Variants in MYH15 observed in about 807,000 individuals in gnomAD.
MYH15 encodes myosin-15.
A neutral mutation model predicts 240.5 loss-of-function variants in MYH15; 227 were observed. The observed-to-expected ratio is 0.94, with a 90% confidence interval of 0.85 to 1.05. The LOEUF is 1.05. Among genes scored for constraint, MYH15 ranks in the 50% least tolerant of loss-of-function variants. The pLI is 0.00. For missense variants in MYH15, 2,217 were observed against 2,247.5 expected (o/e 0.99, Z 0.27); for synonymous variants, 785 against 796.7 (o/e 0.99, Z 0.25).
chr3:108,426,857 C>T (rs1207447421), intron 27 of MYH15, among the ~76,000 whole-genome samples: 2 of 152,198 alleles, frequency 1.3e-5, no homozygotes, highest in African/African-American at 4.8e-5. Flanking sequence ...CCAAACTCCA[C>T]CCCAGTATGT....
chr3:108,406,320 G>A (rs1458449014), intron 32 of MYH15, among the ~76,000 whole-genome samples: 5 of 152,164 alleles, frequency 3.3e-5, no homozygotes, highest in Admixed American at 6.6e-5. Context: ...CTTTTGAGGC[G>A]TGCTTAGCAG....
intron 9 of MYH15, among the ~76,000 whole-genome samples, chr3:108,489,745 C>T (rs1346524148): frequency 2.6e-5 from 4 of 152,132 alleles, no homozygotes; most frequent in Non-Finnish European, 5.9e-5. Context: ...AAGATATGCC[C>T]TCTTGTATTA....
chr3:108,437,693 C>A lies in MYH15; in HGVS notation c.3082G>T (p.Gly1028Cys). 1 of 1,610,562 alleles carries A rather than the reference C, an allele frequency of 6.2e-7. No individual in the cohort carries two copies. Among genetic ancestry groups the A allele is most frequent in the Non-Finnish European group, 8.5e-7 (1 of 1,179,064 alleles). The stretch of plus-strand genomic sequence containing the variant: ...GCTTTTCTCTCCTGCTCAAGGGCAC[C>A]CTCAAGCTGACAAAAGGAAACATTA... ...KLEQQVDELE[G>C]ALEQERKARM... The change falls in exon 25 of 41, where the codon GGT (glycine) becomes TGT (cysteine). Residue 1028 changes from glycine to cysteine, a missense_variant. Coordinates refer to ENST00000693548, the MANE Select transcript of MYH15 (RefSeq NM_014981.3).
chr3:108,412,140 G>T (rs1360395935), intron 30 of MYH15, among the ~76,000 whole-genome samples: 1 of 152,194 alleles, frequency 6.6e-6, no homozygotes, highest in African/African-American at 2.4e-5. Flanking sequence ...GTTTCACCAG[G>T]TGATATGGTT....
At chr3:108,495,297 A>G (rs991178814) in intron 7 of MYH15, among the ~76,000 whole-genome samples, 1 of 152,198 alleles carries the variant, frequency 6.6e-6, no homozygotes, top group African/African-American at 2.4e-5. Flanking sequence ...CTTTCTCCCC[A>G]GCCCGCCAAA....
chr3:108,413,145 A>G (rs1576217769), intron 30 of MYH15, among the ~76,000 whole-genome samples: 2 of 152,328 alleles, frequency 1.3e-5, no homozygotes, highest in South Asian at 4.1e-4. Context: ...TTCTTCAATC[A>G]TTAGAAGGGG....
chr3:108,388,957 T>C lies in MYH15; in HGVS notation c.5535+13A>G. 6.2e-7 allele frequency: 1 copy of C among 1,611,566 alleles called. No individual in the cohort carries two copies. Among genetic ancestry groups the C allele is most frequent in the South Asian group, 1.1e-5 (1 of 90,708 alleles). On this transcript the variant is annotated intron_variant, in intron 38 of 40. Transcript: ENST00000693548. ...GCCCAGCCAGACAAACAGGGAATGGTTTCCTGGAGTACCTGATAGGTCAGC... is the reference window on the plus strand; with the variant it reads ...GCCCAGCCAGACAAACAGGGAATGGCTTCCTGGAGTACCTGATAGGTCAGC...
rs1195558394 is a variant in MYH15, at chr3:108,485,121, C to T, written c.1084G>A (p.Glu362Lys). Residue 362 changes from glutamate (E) to lysine (K), a missense_variant, in exon 11 of 41, where the codon GAA becomes AAA. Coordinates refer to ENST00000693548, the MANE Select transcript of MYH15 (RefSeq NM_014981.3). ...GTGCCATCTGCTTCCAGTTGCTCTT[C>T]TCTAGGTTTCTGTTTAAATTTCATA... is the stretch of plus-strand genomic sequence containing the variant. ...GNMKFKQKPREEQLEADGTEN... is the reference protein window; with the variant it reads ...GNMKFKQKPRKEQLEADGTEN... 3 of 1,613,968 alleles carry T rather than the reference C, an allele frequency of 1.9e-6. No individual in the cohort carries two copies. Among genetic ancestry groups the T allele is most frequent in the African/African-American group, 2.7e-5 (2 of 74,902 alleles).
chr3:108,498,082 T>C lies in MYH15; in HGVS notation c.588A>G (p.Ile196Met). The change falls in exon 6 of 41, where the codon ATA (isoleucine) becomes ATG (methionine). Residue 196 changes from isoleucine (I) to methionine (M), a missense_variant. By Grantham distance (10) the Ile-to-Met change is conservative (BLOSUM62 1). Coordinates refer to ENST00000693548, the MANE Select transcript of MYH15 (RefSeq NM_014981.3). ...SKHIIQYFAT[I>M]AAMIESRKKQ... ...TTTTCCTGGATTCAATCATGGCTGC[T>C]ATGGTGGCAAAATACTGGATAATAT... 1 of 1,614,124 alleles carries C rather than the reference T, an allele frequency of 6.2e-7. No homozygotes were observed.
At chr3:108,420,990 C>A in intron 28 of MYH15, 98 bp downstream of exon 28, 1 of 1,519,162 alleles carries the variant, frequency 6.6e-7, no homozygotes, top group Non-Finnish European at 9.0e-7. Context: ...CTTCAGATGC[C>A]CACTCAGCCT....
chr3:108,466,216 A>G (rs2083116057), intron 14 of MYH15, among the ~76,000 whole-genome samples: 1 of 152,218 alleles, frequency 6.6e-6, no homozygotes, highest in Non-Finnish European at 1.5e-5. Flanking sequence ...GTCATTAAAA[A>G]TAAGATATGC....
intron 16 of MYH15, 57 bp from the exon 17 acceptor site, chr3:108,460,424 C>T (rs1402365766): frequency 7.3e-6 from 10 of 1,371,334 alleles, no homozygotes; most frequent in African/African-American, 1.5e-5. Context: ...ATTTTTATCA[C>T]ATTATCCTAC....
chr3:108,529,206 T>C (rs957681817), intron 1 of MYH15: 3 of 1,543,092 alleles, frequency 1.9e-6, no homozygotes, highest in African/African-American at 2.7e-5. Context: ...GCTGCTACTG[T>C]CAGGCTATTC....
chr3:108,493,000 AAAAGG>A (rs2083363988), intron 8 of MYH15, 109 bp downstream of exon 8: 1 of 757,694 alleles, frequency 1.3e-6, no homozygotes, highest in South Asian at 1.8e-5. Context: ...AGAGAGAGAG[AAAAGG>A]AAAGAAAGAA....
intron 5 of MYH15, 70 bp from the exon 6 acceptor site, chr3:108,498,215 T>C (rs576369761): frequency 1.3e-5 from 18 of 1,361,874 alleles, no homozygotes; most frequent in South Asian, 1.2e-4. Flanking sequence ...TAGGTAATTT[T>C]GATTATATAG....
In MYH15 at chr3:108,380,734, T is replaced by C. The variant is rs1390857686; in HGVS notation, c.*811A>G. Reference sequence around the variant, plus strand: ...AGCTCCCCTTTTTGGCCTGGAGTCATATTTTCAAGCTGTCACCATGCTTGG... The same window carrying C: ...AGCTCCCCTTTTTGGCCTGGAGTCACATTTTCAAGCTGTCACCATGCTTGG... On this transcript the variant is annotated 3_prime_UTR_variant, in exon 41 of 41. Coordinates refer to ENST00000693548, the MANE Select transcript of MYH15 (RefSeq NM_014981.3). 6.6e-6 allele frequency: 1 copy of C among 152,262 alleles called. No homozygotes were observed. Among genetic ancestry groups the C allele is most frequent in the Non-Finnish European group, 1.5e-5 (1 of 68,104 alleles). The allele number at this position is 152,262 out of a possible 1,614,324, so 9.4% of individuals were successfully genotyped here.
intron 1 of MYH15, among the ~76,000 whole-genome samples, chr3:108,519,347 T>C (rs2083599021): frequency 6.6e-6 from 1 of 152,220 alleles, no homozygotes; most frequent in South Asian, 2.1e-4. Context: ...TTTAAGTCAA[T>C]ACATCTGAAT....
At chr3:108,449,840 G>C (rs961134460) in intron 21 of MYH15, among the ~76,000 whole-genome samples, 4 of 151,488 alleles carry the variant, frequency 2.6e-5, no homozygotes, top group African/African-American at 7.3e-5. Flanking sequence ...GAAATAAAGG[G>C]GTAATATTCA....
the MYH15 span, among the ~76,000 whole-genome samples, chr3:108,545,045 C>A: frequency 6.6e-3 from 1,012 of 152,222 alleles, 5 homozygotes; most frequent in African/African-American, 0.023. Context: ...AATGTACAAC[C>A]TCACAATGAA....
Sources: gnomAD v4.1 joint callset for allele counts (sites outside exome capture counted in the v4.1 genomes callset) on GRCh38, gnomAD v4.1.1 for gene constraint, MANE v1.5 for transcripts, NCBI Gene and HGNC (gene_info 2026-07-23, HGNC 2026-07-21) for gene names.